KIF23: variants seen among roughly 807,000 people sequenced by gnomAD.
The protein encoded by KIF23 is kinesin-like protein KIF23.
In KIF23, 30 loss-of-function variants were observed where a neutral mutation model predicts 137.5. The ratio of observed to expected loss-of-function variants is 0.22; its 90% CI spans 0.16 to 0.30. The LOEUF (loss-of-function observed/expected upper bound fraction) is 0.30, where lower values mean the gene tolerates loss of function less well. Ranked by LOEUF, KIF23 falls within the 10% of genes least tolerant of loss-of-function variation. The probability of loss-of-function intolerance (pLI) is 1.00; values close to 1 mark genes in which losing one functional copy is unlikely to be tolerated. For missense variants in KIF23, 920 were observed against 1,194.3 expected, an observed-to-expected ratio of 0.77 and a Z score of 3.38; for synonymous variants, 367 against 391.1, an observed-to-expected ratio of 0.94 and a Z score of 0.73.
In KIF23 at chr15:69,440,092, G is replaced by A; in HGVS notation, c.1929+15G>A. On this transcript the variant is annotated intron_variant, in intron 17 of 23. Transcript: ENST00000679126. ...AGAAAGAATGTGTGAGTATCGTTTG[G>A]GTAGTGCTTGTCTCAGAGTCGGATG... 1 of 1,608,194 alleles carries A rather than the reference G, an allele frequency of 6.2e-7. No homozygotes were observed. The highest frequency in any genetic ancestry group is 8.5e-7 in the Non-Finnish European group (1 of 1,177,370).
chr15:69,437,449 G>C (rs2140386081), intron 15 of KIF23, among the ~76,000 whole-genome samples: 1 of 145,554 alleles, frequency 6.9e-6, no homozygotes, highest in Middle Eastern at 3.8e-3. Context: ...GTGAATGAAT[G>C]TATCTACTTT....
At chr15:69,428,220 A>C (rs2057254261) in intron 10 of KIF23, among the ~76,000 whole-genome samples, 1 of 151,596 alleles carries the variant, frequency 6.6e-6, no homozygotes, top group African/African-American at 2.4e-5. Flanking sequence ...GCGCCACTGC[A>C]CTCCAGCCTG....
chr15:69,415,543 G>A (rs1198095421), intron 1 of KIF23, among the ~76,000 whole-genome samples: 1 of 152,154 alleles, frequency 6.6e-6, no homozygotes, highest in African/African-American at 2.4e-5. Flanking sequence ...AAAGAGTAAT[G>A]TTTTGAGCAT....
At chr15:69,442,816 T>C (rs1007635460) in intron 19 of KIF23, among the ~76,000 whole-genome samples, 9 of 152,228 alleles carry the variant, frequency 5.9e-5, no homozygotes, top group Admixed American at 2.6e-4. Context: ...AAAATCTCTT[T>C]AGAAGTGCAG....
intron 19 of KIF23, among the ~76,000 whole-genome samples, chr15:69,443,167 C>G (rs2057661584): frequency 6.6e-6 from 1 of 152,130 alleles, no homozygotes; most frequent in Admixed American, 6.5e-5. Context: ...TGTCTTAGAG[C>G]TGTCACTAGT....
chr15:69,419,581 T>G (rs1567057474), intron 3 of KIF23, among the ~76,000 whole-genome samples: 1 of 152,322 alleles, frequency 6.6e-6, no homozygotes, highest in East Asian at 1.9e-4. Context: ...GACTACCCAA[T>G]CAGAAACAGC....
chr15:69,440,840 T>C lies in KIF23; in HGVS notation c.2182T>C (p.Ser728Pro). The change falls in exon 19 of 24, where the codon TCT becomes CCT. Residue 728 changes from serine (S) to proline (P), a missense_variant. Coordinates refer to ENST00000679126, the MANE Select transcript of KIF23 (RefSeq NM_001367805.3). ...GAGCCAGCCACAGCTACATAGGCGC[T>C]CTAACTCTTGCAGCAGCATTTCTGT... ...LMSQPQLHRR[S>P]NSCSSISVAS... 1 of 1,613,958 alleles carries C rather than the reference T, an allele frequency of 6.2e-7. No homozygotes were observed. The highest frequency in any genetic ancestry group is 8.5e-7 in the Non-Finnish European group (1 of 1,180,036).
chr15:69,427,996 C>T (rs183181758), intron 10 of KIF23, among the ~76,000 whole-genome samples: 52 of 152,238 alleles, frequency 3.4e-4, no homozygotes, highest in African/African-American at 1.2e-3. Flanking sequence ...CAGTGACTCA[C>T]GCCTGTAATC....
chr15:69,439,521 T>C (rs1274812627), intron 16 of KIF23, among the ~76,000 whole-genome samples: 1 of 152,224 alleles, frequency 6.6e-6, no homozygotes, highest in Admixed American at 6.5e-5. Flanking sequence ...CACTGTGTAA[T>C]GTATGTCTGT....
intron 9 of KIF23, 71 bp downstream of exon 9, chr15:69,426,253 G>C: frequency 6.3e-7 from 1 of 1,596,784 alleles, no homozygotes; most frequent in South Asian, 1.1e-5. Flanking sequence ...AAGTTTGATG[G>C]CAATTTTTTT....
At position 69,444,089 on chromosome 15, in the gene KIF23, T is replaced by G. The variant is rs2057691732; in HGVS notation, c.2422-701T>G. The G allele has an allele frequency of 6.6e-6, 1 of 152,222 alleles. No homozygotes were observed. The highest frequency in any genetic ancestry group is 1.5e-5 in the Non-Finnish European group (1 of 68,058). The allele number at this position is 152,222 out of a possible 1,614,324, so 9.4% of individuals were successfully genotyped here. A position where few individuals can be genotyped will look rare whatever the true frequency, so the allele number is the denominator to read the frequency against. ...CCTTCCAAAGTGCTGATTACAGGCA[T>G]GTACCACCATGCCTGGCCTAGCAAC... On this transcript the variant is annotated intron_variant, in intron 19 of 23. Transcript: ENST00000679126. This position sits in a 1 kb window ranked among gnomAD's most constrained non-coding sequence, Gnocchi z 4.2.
At chr15:69,416,629 G>A (rs1268687949) in intron 2 of KIF23, among the ~76,000 whole-genome samples, 1 of 152,192 alleles carries the variant, frequency 6.6e-6, no homozygotes, top group African/African-American at 2.4e-5. Context: ...AGCTGAATGA[G>A]TTTTCCTCAA....
chr15:69,433,114 T>C (rs1256560400), intron 11 of KIF23, among the ~76,000 whole-genome samples: 3 of 152,202 alleles, frequency 2.0e-5, no homozygotes, highest in Non-Finnish European at 4.4e-5. Flanking sequence ...GGGAAATCTG[T>C]TAATAACATG....
chr15:69,422,086 C>T lies in KIF23; in HGVS notation c.411C>T (p.Asp137=), dbSNP rs2057070808. 1 of 1,614,134 alleles carries T rather than the reference C, an allele frequency of 6.2e-7. No homozygotes were observed. The highest frequency in any genetic ancestry group is 8.5e-7 in the Non-Finnish European group (1 of 1,180,014). ...GEGGLLPRCL[D]MIFNSIGSFQ... ...GAGGGCTGCTTCCTCGTTGTTTGGA[C>T]ATGATCTTTAACAGTATAGGGTCAT... is the stretch of plus-strand genomic sequence containing the variant. Residue 137 remains aspartate, a synonymous_variant, in exon 5 of 24, where the codon GAC becomes GAT. Coordinates refer to ENST00000679126, the MANE Select transcript of KIF23 (RefSeq NM_001367805.3).
intron 13 of KIF23, 120 bp downstream of exon 13, chr15:69,435,891 A>C: frequency 7.3e-7 from 1 of 1,365,762 alleles, no homozygotes; most frequent in Non-Finnish European, 1.0e-6. Flanking sequence ...TGATTGTAGA[A>C]GTAAACTAGG....
At chr15:69,422,281 T>C (rs1272515369) in intron 5 of KIF23, 45 bp from the exon 6 acceptor site, 1 of 1,470,104 alleles carries the variant, frequency 6.8e-7, no homozygotes. Flanking sequence ...TAAGTTAAAT[T>C]CTAAAAAACG....
intron 21 of KIF23, 35 bp downstream of exon 21, chr15:69,446,126 G>A (rs745438337): frequency 8.9e-6 from 14 of 1,578,582 alleles, no homozygotes; most frequent in Non-Finnish European, 1.2e-5. Flanking sequence ...TATAAAAGTT[G>A]GTCATTTTCT....
chr15:69,447,018 C>T (rs574392831), intron 23 of KIF23, 77 bp downstream of exon 23: 3 of 1,250,982 alleles, frequency 2.4e-6, no homozygotes, highest in South Asian at 2.4e-5. Flanking sequence ...CTCCTTCTAC[C>T]AGCCATCCAC....
intron 8 of KIF23, 78 bp from the exon 9 acceptor site, chr15:69,425,992 G>A (rs2057179040): frequency 1.9e-6 from 1 of 525,454 alleles, no homozygotes; most frequent in Admixed American, 3.7e-5. Flanking sequence ...ATGTCACTTG[G>A]CGTTTTAGTC....
Sources: allele counts gnomAD v4.1 joint callset (sites outside exome capture counted in the v4.1 genomes callset), GRCh38; gene constraint gnomAD v4.1.1; non-coding constraint Gnocchi (gnomAD v3.1); transcripts MANE v1.5; gene names NCBI Gene and HGNC (gene_info 2026-07-23, HGNC 2026-07-21).